NSMCE2: variants seen among roughly 807,000 people sequenced by gnomAD.
NSMCE2 encodes the protein E3 SUMO-protein ligase NSE2.
Under a neutral mutation model 23.8 loss-of-function variants are expected in NSMCE2, and 24 were observed. The ratio of observed to expected loss-of-function variants is 1.01; its 90% CI spans 0.73 to 1.42. NSMCE2 has a LOEUF of 1.42. NSMCE2 is among the 40% of genes most tolerant of loss of function. The probability of loss-of-function intolerance (pLI) is 0.00; values close to 1 mark genes in which losing one functional copy is unlikely to be tolerated. For missense variants in NSMCE2, 284 were observed against 296.5 expected, an observed-to-expected ratio of 0.96 and a Z score of 0.31; for synonymous variants, 92 against 94.1, an observed-to-expected ratio of 0.98 and a Z score of 0.13.
At chr8:125,131,371 G>C (rs1402187253) in intron 3 of NSMCE2, among the ~76,000 whole-genome samples, 1 of 152,150 alleles carries the variant, frequency 6.6e-6, no homozygotes. Context: ...TTATAGGTCA[G>C]CAATCAGGGT....
chr8:125,329,405 A>G (rs1052975027), intron 5 of NSMCE2, among the ~76,000 whole-genome samples: 1 of 152,204 alleles, frequency 6.6e-6, no homozygotes, highest in African/African-American at 2.4e-5. Flanking sequence ...GGAGACCGCC[A>G]TTGTTTTTTG....
chr8:125,173,620 GCATTCAGT>G (rs1822332436), intron 4 of NSMCE2, among the ~76,000 whole-genome samples: 1 of 152,134 alleles, frequency 6.6e-6, no homozygotes, highest in Non-Finnish European at 1.5e-5. Flanking sequence ...GATGAATGAG[GCATTCAGT>G]CATTCTGTGG....
intron 5 of NSMCE2, among the ~76,000 whole-genome samples, chr8:125,245,041 A>T (rs1221448211): frequency 1.3e-5 from 2 of 152,140 alleles, no homozygotes; most frequent in African/African-American, 2.4e-5. Flanking sequence ...CCAACACTTC[A>T]GGAGGCCAAG....
chr8:125,095,178 C>G (rs544753730), intron 1 of NSMCE2, among the ~76,000 whole-genome samples: 1 of 152,294 alleles, frequency 6.6e-6, no homozygotes, highest in East Asian at 1.9e-4. Flanking sequence ...ACACATGTGC[C>G]TAGTGCCTAT....
At chr8:125,352,277 C>T (rs956146778) in intron 5 of NSMCE2, among the ~76,000 whole-genome samples, 5 of 151,790 alleles carry the variant, frequency 3.3e-5, no homozygotes, top group Admixed American at 1.3e-4. Flanking sequence ...GGTCAGTTCG[C>T]GACCAGCCTG....
chr8:125,331,013 G>A (rs1829853401), intron 5 of NSMCE2, among the ~76,000 whole-genome samples: 1 of 152,080 alleles, frequency 6.6e-6, no homozygotes, highest in South Asian at 2.1e-4. Context: ...TATTAAGAAA[G>A]AAAGGTGACT....
At chr8:125,171,334 C>CT (rs1343785315) in intron 4 of NSMCE2, among the ~76,000 whole-genome samples, 1 of 152,176 alleles carries the variant, frequency 6.6e-6, no homozygotes, top group Non-Finnish European at 1.5e-5. Flanking sequence ...CTAATAGGCT[C>CT]TAAGTAAATA....
At chr8:125,317,617 C>T (rs2131257505) in intron 5 of NSMCE2, among the ~76,000 whole-genome samples, 1 of 152,228 alleles carries the variant, frequency 6.6e-6, no homozygotes, top group East Asian at 1.9e-4. Context: ...AGACAGTTGC[C>T]TATCTGAAGT....
At chr8:125,234,925 A>G (rs1404798472) in intron 5 of NSMCE2, among the ~76,000 whole-genome samples, 1 of 152,150 alleles carries the variant, frequency 6.6e-6, no homozygotes, top group African/African-American at 2.4e-5. Flanking sequence ...CCAGTCCTAC[A>G]GAGCCCATTT....
chr8:125,145,903 T>C (rs1345297759), intron 3 of NSMCE2, among the ~76,000 whole-genome samples: 1 of 152,200 alleles, frequency 6.6e-6, no homozygotes, highest in East Asian at 1.9e-4. Context: ...GTTATTCTCC[T>C]AGCATTCTCT....
In NSMCE2 at chr8:125,102,507, CTT is replaced by C. The variant is rs1818245056; in HGVS notation, c.157+23_157+24del. ...GTCAGAGTAAGTAAAATTAAAACCT[CTT>C]TTGTGTCTACTTTGAGGTAACACTG... On this transcript the variant is annotated intron_variant, in intron 3 of 7. Transcript: ENST00000287437. The C allele has an allele frequency of 6.2e-7, 1 of 1,602,618 alleles. No homozygotes were observed. The highest frequency in any genetic ancestry group is 1.3e-5 in the African/African-American group (1 of 74,660).
intron 5 of NSMCE2, among the ~76,000 whole-genome samples, chr8:125,337,737 A>C (rs903931038): frequency 6.6e-6 from 1 of 152,160 alleles, no homozygotes; most frequent in South Asian, 2.1e-4. Flanking sequence ...TCTACTAAAA[A>C]TACAAAAATT....
Position 125,170,988 on chromosome 8 carries a change from C to T in NSMCE2, c.265-11115C>T, listed in dbSNP as rs185621438. ...AGCTAAAGCCCTCCGTCATCTGTCC[C>T]ACTTCGCACCCTGCTTTGATTAATA... is the stretch of plus-strand genomic sequence containing the variant. On this transcript the variant is annotated intron_variant, in intron 4 of 7. Coordinates refer to ENST00000287437, the MANE Select transcript of NSMCE2 (RefSeq NM_173685.4). 2.2e-3 allele frequency among the ~76,000 whole-genome samples: 332 copies of T among 152,290 alleles called. 1 individual carries two copies. The highest frequency in any genetic ancestry group is 3.7e-3 in the Non-Finnish European group (250 of 68,030).
intron 3 of NSMCE2, among the ~76,000 whole-genome samples, chr8:125,126,615 CT>C (rs1819531489): frequency 6.6e-6 from 1 of 152,090 alleles, no homozygotes; most frequent in Non-Finnish European, 1.5e-5. Context: ...CCTTCTTTCC[CT>C]TTTTGGCAAA....
intron 5 of NSMCE2, among the ~76,000 whole-genome samples, chr8:125,314,675 C>T (rs969233478): frequency 1.9e-4 from 29 of 152,224 alleles, no homozygotes; most frequent in African/African-American, 7.0e-4. Flanking sequence ...TTTTTCACAC[C>T]TCTGGAAGTG....
At chr8:125,206,074 C>T (rs1824106158) in intron 5 of NSMCE2, among the ~76,000 whole-genome samples, 2 of 152,032 alleles carry the variant, frequency 1.3e-5, no homozygotes, top group South Asian at 4.2e-4. Context: ...TATAAAATGA[C>T]GTGTTCAGAA....
intron 4 of NSMCE2, among the ~76,000 whole-genome samples, chr8:125,178,400 T>TTATCATGTAAGTATGATGTAAG (rs1822598333): frequency 1.3e-5 from 2 of 152,190 alleles, no homozygotes; most frequent in South Asian, 4.1e-4. Flanking sequence ...AATTAAATTT[T>TTATCATGTAAGTATGATGTAAG]TATCATGTAA....
chr8:125,288,938 G>T (rs1276820221), intron 5 of NSMCE2, among the ~76,000 whole-genome samples: 1 of 152,040 alleles, frequency 6.6e-6, no homozygotes, highest in African/African-American at 2.4e-5. Flanking sequence ...AGGATCACAG[G>T]CATGCATTAC....
intron 3 of NSMCE2, among the ~76,000 whole-genome samples, chr8:125,145,714 A>G (rs1820639102): frequency 6.6e-6 from 1 of 152,160 alleles, no homozygotes; most frequent in African/African-American, 2.4e-5. Context: ...TTTGAGCTCT[A>G]TTCAGAAGTA....
Sources: allele counts gnomAD v4.1 joint callset (sites outside exome capture counted in the v4.1 genomes callset), GRCh38; gene constraint gnomAD v4.1.1; transcripts MANE v1.5; gene names NCBI Gene and HGNC (gene_info 2026-07-23, HGNC 2026-07-21).